WASHC2A: variants seen among roughly 807,000 people sequenced by gnomAD.
WASHC2A encodes WASH complex subunit 2A, also known as WASH complex subunit FAM21A.
WASHC2A carries 82 observed loss-of-function variants against 140.3 expected under a neutral mutation model. The ratio of observed to expected loss-of-function variants is 0.58; its 90% CI spans 0.49 to 0.70. The LOEUF is 0.70. WASHC2A is among the 30% of genes least tolerant of loss of function. WASHC2A has a pLI of 0.00. For synonymous variants in WASHC2A, 340 were observed against 560.8 expected (o/e 0.61, Z 5.56); for missense variants, 985 against 1,521.8 (o/e 0.65, Z 5.87).
chr10:50,132,956 G>A lies in WASHC2A; in HGVS notation c.*11G>A, dbSNP rs760954183. ...TTTGGAGGCCAGTAGAGCACACAGGGTATCCACATGTTACCCTGCAGCTAC... is the reference window on the plus strand; with the variant it reads ...TTTGGAGGCCAGTAGAGCACACAGGATATCCACATGTTACCCTGCAGCTAC... On this transcript the variant is annotated 3_prime_UTR_variant, in exon 31 of 31. Coordinates refer to ENST00000282633, the MANE Select transcript of WASHC2A (RefSeq NM_001005751.3). 4 of 1,611,916 alleles carry A rather than the reference G, an allele frequency of 2.5e-6. No homozygotes were observed. The South Asian group carries it at 4.4e-5, about 18-fold the overall frequency.
At chr10:50,111,997 C>T (rs1395407679) in intron 20 of WASHC2A, among the ~76,000 whole-genome samples, 1 of 152,098 alleles carries the variant, frequency 6.6e-6, no homozygotes, top group Non-Finnish European at 1.5e-5. Flanking sequence ...CACTGCACTC[C>T]AGCCTGGGCA....
At chr10:50,109,064 C>A (rs1842038550) in intron 19 of WASHC2A, among the ~76,000 whole-genome samples, 1 of 151,370 alleles carries the variant, frequency 6.6e-6, no homozygotes, top group Admixed American at 6.6e-5. Flanking sequence ...CTTCTCAAAC[C>A]TTCATGTTTA....
At chr10:50,103,010 G>A (rs1452823121) in intron 17 of WASHC2A, among the ~76,000 whole-genome samples, 2,203 of 151,126 alleles carry the variant, frequency 0.015, 22 homozygotes, top group Non-Finnish European at 0.024. Context: ...GAGATAACAG[G>A]CACCCACCAC....
intron 3 of WASHC2A, among the ~76,000 whole-genome samples, chr10:50,074,841 G>A (rs1292784420): frequency 3.9e-5 from 6 of 152,100 alleles, no homozygotes; most frequent in Admixed American, 2.0e-4. Flanking sequence ...GCGTGAACCC[G>A]GGAGGCAGAG....
At chr10:50,110,334 T>C (rs1329177438) in intron 20 of WASHC2A, 64 bp downstream of exon 20, 2 of 1,604,968 alleles carry the variant, frequency 1.2e-6, no homozygotes, top group Admixed American at 3.3e-5. Context: ...AGGAATCTGA[T>C]GCACAATCTA....
chr10:50,094,207 A>T (rs1554883949), intron 13 of WASHC2A, among the ~76,000 whole-genome samples: 1 of 150,430 alleles, frequency 6.6e-6, no homozygotes, highest in African/African-American at 2.4e-5. Context: ...GTTTTCATTG[A>T]ATGAAGTTTA....
Position 50,125,965 on chromosome 10 carries a change from A to G in WASHC2A, c.2689-92A>G, listed in dbSNP as rs1843391930. The G allele has an allele frequency of 5.9e-6, 9 of 1,532,266 alleles. No homozygotes were observed. The South Asian group carries it at 1.1e-4, about 18-fold the overall frequency. 94.9% of individuals were successfully genotyped at this position (1,532,266 alleles called of 1,614,324 possible). A position where few individuals can be genotyped will look rare whatever the true frequency, so the allele number is the denominator to read the frequency against. On this transcript the variant is annotated intron_variant, in intron 25 of 30. Transcript: ENST00000282633. The stretch of plus-strand genomic sequence containing the variant: ...CCTCATTTGAGAAAGTATTTTTAAG[A>G]CTCAGAAGCCAGGATTGTTTTTTGC...
At chr10:50,090,395 C>T (rs1482724032) in intron 8 of WASHC2A, among the ~76,000 whole-genome samples, 11 of 149,606 alleles carry the variant, frequency 7.4e-5, no homozygotes, top group South Asian at 2.1e-4. Context: ...CCCAGCTACT[C>T]GGAAGGCCGA....
intron 20 of WASHC2A, among the ~76,000 whole-genome samples, chr10:50,113,610 G>A (rs1356222371): frequency 1.3e-5 from 2 of 149,642 alleles, no homozygotes; most frequent in African/African-American, 2.5e-5. Context: ...CTCAGGCATC[G>A]TGTGCCTTGC....
In WASHC2A at chr10:50,129,946, G is replaced by A. The variant is rs1291669529; in HGVS notation, c.3615G>A (p.Glu1205=). 2 of 1,611,832 alleles carry A rather than the reference G, an allele frequency of 1.2e-6. No homozygotes were observed. Among genetic ancestry groups the A allele is most frequent in the East Asian group, 2.2e-5 (1 of 44,872 alleles). Residue 1205 remains glutamate, a synonymous_variant, in exon 29 of 31, where the codon GAG becomes GAA. Coordinates refer to ENST00000282633, the MANE Select transcript of WASHC2A (RefSeq NM_001005751.3). Reference sequence around the variant, plus strand: ...ATCCCTTTCCTCTCCTGGAAGATGAGGATGACCTCTTTACAGATCAGAAAG... The same window carrying A: ...ATCCCTTTCCTCTCCTGGAAGATGAAGATGACCTCTTTACAGATCAGAAAG... ...KTNPFPLLED[E]DDLFTDQKVK...
intron 3 of WASHC2A, among the ~76,000 whole-genome samples, chr10:50,076,212 A>T (rs1451324831): frequency 6.6e-6 from 1 of 152,210 alleles, no homozygotes; most frequent in Non-Finnish European, 1.5e-5. Flanking sequence ...AAGTGCTGGG[A>T]TTACAGGCGT....
rs782107819 is a variant in WASHC2A, at chr10:50,093,221, G to A, written c.1004-47G>A. On this transcript the variant is annotated intron_variant, in intron 11 of 30. Coordinates refer to ENST00000282633, the MANE Select transcript of WASHC2A (RefSeq NM_001005751.3). ...TGCCAACCCGGGAATTTGAGTTCTG[G>A]ACCCATCTTTAATACTCCCTGCAAA... The A allele has an allele frequency of 1.2e-4, 109 of 885,932 alleles. No individual in the cohort carries two copies. The African/African-American group carries it at 1.6e-3, about 13-fold the overall frequency. The allele number at this position is 885,932 out of a possible 1,614,324, so 54.9% of individuals were successfully genotyped here. A position where few individuals can be genotyped will look rare whatever the true frequency, so the allele number is the denominator to read the frequency against.
At chr10:50,120,582 T>C (rs1166031699) in intron 23 of WASHC2A, among the ~76,000 whole-genome samples, 1 of 103,538 alleles carries the variant, frequency 9.7e-6, no homozygotes, top group Admixed American at 1.1e-4. Flanking sequence ...ATCGCACCAC[T>C]GCACTCCAGT....
chr10:50,129,587 G>T lies in WASHC2A; in HGVS notation c.3256G>T (p.Ala1086Ser), dbSNP rs1249549059. Residue 1086 changes from alanine (A) to serine (S), a missense_variant, in exon 29 of 31, where the codon GCC becomes TCC. Physicochemically the swap from Ala to Ser is moderately conservative, Grantham distance 99. Coordinates refer to ENST00000282633, the MANE Select transcript of WASHC2A (RefSeq NM_001005751.3). ...TGGCCATCGGCCACAGCTCAGAGCA[G>T]CCAGTGGAGAAGACAGCACTGAGGA... Reference protein sequence around the residue: ...PNGHRPQLRAASGEDSTEEAL... With the variant: ...PNGHRPQLRASSGEDSTEEAL... 3 of 1,612,056 alleles carry T rather than the reference G, an allele frequency of 1.9e-6. No homozygotes were observed. In the East Asian group the frequency reaches 6.7e-5, roughly 36 times the overall value.
In WASHC2A at chr10:50,127,211, G is replaced by A. The variant is rs1242902422; in HGVS notation, c.2863G>A (p.Gly955Arg). The change falls in exon 27 of 31, where the codon GGG becomes AGG. Residue 955 changes from glycine (G) to arginine (R), a missense_variant. Coordinates refer to ENST00000282633, the MANE Select transcript of WASHC2A (RefSeq NM_001005751.3). The part of the protein sequence containing the change: ...FKTKEPSTRI[G>R]KIQANLAINP... ...AACCAAAGAACCATCCACTCGGATC[G>A]GGAAGATACAAGTAATTAAAACACT... 1.1e-5 allele frequency: 17 copies of A among 1,611,852 alleles called. No individual in the cohort carries two copies. The Admixed American group carries it at 1.5e-4, about 14-fold the overall frequency.
At chr10:50,110,882 G>GACT (rs1842229276) in intron 20 of WASHC2A, among the ~76,000 whole-genome samples, 2 of 106,698 alleles carry the variant, frequency 1.9e-5, no homozygotes, top group South Asian at 7.2e-4. Context: ...AACGGAGCAA[G>GACT]ACTCCATCTC....
intron 3 of WASHC2A, among the ~76,000 whole-genome samples, chr10:50,073,129 C>G (rs2132336455): frequency 6.6e-6 from 1 of 152,200 alleles, no homozygotes; most frequent in East Asian, 1.9e-4. Flanking sequence ...TAGAAGGCAA[C>G]ACAATTCTAA....
chr10:50,129,376 T>C, intron 28 of WASHC2A, 43 bp from the exon 29 acceptor site: 4 of 1,612,038 alleles, frequency 2.5e-6, no homozygotes, highest in Non-Finnish European at 3.4e-6. Flanking sequence ...TTTGAACACT[T>C]TATTTTATCG....
chr10:50,130,161 A>G lies in WASHC2A; in HGVS notation c.3708+122A>G, dbSNP rs1327763065. 23 of 1,265,766 alleles carry G rather than the reference A, an allele frequency of 1.8e-5. No individual in the cohort carries two copies. In the African/African-American group the frequency reaches 2.6e-4, roughly 14 times the overall value. The allele number at this position is 1,265,766 out of a possible 1,614,324, so 78.4% of individuals were successfully genotyped here. On this transcript the variant is annotated intron_variant, in intron 29 of 30. Coordinates refer to ENST00000282633, the MANE Select transcript of WASHC2A (RefSeq NM_001005751.3). ...CATACCCCATAGCCACTTGCTTAGT[A>G]ATTATAATTAGGCTCTTTTATTAAT...
Sources: allele counts gnomAD v4.1 joint callset (sites outside exome capture counted in the v4.1 genomes callset), GRCh38; gene constraint gnomAD v4.1.1; transcripts MANE v1.5; gene names NCBI Gene and HGNC (gene_info 2026-07-23, HGNC 2026-07-21).